The following TTN variants were observed in gnomAD, a reference collection of about 807,000 sequenced individuals.
TTN encodes the protein titin.
In TTN, 1,525 loss-of-function variants were observed where a neutral mutation model predicts 3,223.0. That is an observed-to-expected ratio of 0.47 (90% CI 0.45 to 0.49). The LOEUF is 0.49. TTN is among the 20% of genes least tolerant of loss of function. The pLI, the probability that TTN is intolerant of heterozygous loss-of-function variation, is 0.00. For synonymous variants in TTN, 14,094 were observed against 15,161.0 expected, an observed-to-expected ratio of 0.93 and a Z score of 5.17; for missense variants, 40,786 against 43,424.0, an observed-to-expected ratio of 0.94 and a Z score of 5.40.
rs555785232 is a variant in TTN at position 178,584,680 on chromosome 2, T to C, written c.64961A>G (p.Gln21654Arg). 1.2e-6 allele frequency: 2 copies of C among 1,613,302 alleles called. No homozygotes were observed. Among genetic ancestry groups the C allele is most frequent in the African/African-American group, 1.3e-5 (1 of 74,976 alleles). ...TCACAAAAACATACCAAATGGGAACTGCGCAACCATCTTTGGAGATGTGAG... is the reference window on the plus strand; with the variant it reads ...TCACAAAAACATACCAAATGGGAACCGCGCAACCATCTTTGGAGATGTGAG... ...EPLTSPKMVAQFPFGVPSEPK... is the reference protein window; with the variant it reads ...EPLTSPKMVARFPFGVPSEPK... Residue 21654 changes from glutamine (Q) to arginine (R), a missense_variant, in exon 310 of 363, where the codon CAG (glutamine) becomes CGG (arginine). Transcript: ENST00000589042.
At chr2:178,593,140 C>G (rs756562733) in intron 299 of TTN, 33 bp downstream of exon 299, 96 of 1,610,370 alleles carry the variant, frequency 6.0e-5, no homozygotes, top group Non-Finnish European at 8.1e-5. Flanking sequence ...AGTTAGATAA[C>G]ATGAAAACTG....
Position 178,732,930 on chromosome 2 carries a change from T to C in TTN, c.16246A>G (p.Ile5416Val), listed in dbSNP as rs1283439535. The change falls in exon 55 of 363, where the codon ATC becomes GTC. Residue 5416 changes from isoleucine to valine, a missense_variant. Ile to Val is a conservative substitution (Grantham distance 29, BLOSUM62 3). Transcript: ENST00000589042. ...GCATCATTCATGTCTACTCTGATGA[T>C]CTCCAAAGAGGCTGTGCCTTCCACA... ...AFVEGTASLE[I>V]IRVDMNDAGN... The C allele has an allele frequency of 2.5e-6, 4 of 1,613,550 alleles. No homozygotes were observed. Among genetic ancestry groups the C allele is most frequent in the South Asian group, 2.2e-5 (2 of 91,080 alleles).
chr2:178,613,555 T>G (rs548329965), intron 263 of TTN, among the ~76,000 whole-genome samples, 196 bp downstream of exon 263: 59 of 152,060 alleles, frequency 3.9e-4, no homozygotes, highest in Non-Finnish European at 7.2e-4. Flanking sequence ...GGTTAATATT[T>G]TAGAGTAAAC....
At position 178,731,747 on chromosome 2, in the gene TTN, G is replaced by A. The variant is rs1183941490; in HGVS notation, c.17128C>T (p.Arg5710Trp). ...CTGCTGCCCACCTCATTGGTCACCC[G>A]ACACTGGTATTCGCCAGCATCTGCA... ...VAADAGEYQC[R>W]VTNEVGSSIC... is the part of the protein sequence containing the mutation. The change falls in exon 58 of 363, where the codon CGG becomes TGG. Residue 5710 changes from arginine to tryptophan, a missense_variant. Arg to Trp is a moderately radical substitution (Grantham distance 101, BLOSUM62 -3). Coordinates refer to ENST00000589042, the MANE Select transcript of TTN (RefSeq NM_001267550.2). 14 of 1,613,540 alleles carry A rather than the reference G, an allele frequency of 8.7e-6. No homozygotes were observed. The highest frequency in any genetic ancestry group is 2.2e-5 in the East Asian group (1 of 44,852).
In TTN at chr2:178,586,918, T is replaced by G. The variant is rs1027348310; in HGVS notation, c.64094-111A>C. ...TTTGCTCCAATGTACATAGAACCTG[T>G]AGTTCAGTACATTAAAAGCAAAACA... On this transcript the variant is annotated intron_variant, in intron 307 of 362. Coordinates refer to ENST00000589042, the MANE Select transcript of TTN (RefSeq NM_001267550.2). 3.5e-6 allele frequency: 5 copies of G among 1,433,502 alleles called. No homozygotes were observed. In the Admixed American group the frequency reaches 1.1e-4, roughly 31 times the overall value. The allele number at this position is 1,433,502 out of a possible 1,614,324, so 88.8% of individuals were successfully genotyped here. A position where few individuals can be genotyped will look rare whatever the true frequency, so the allele number is the denominator to read the frequency against.
Position 178,592,526 on chromosome 2 carries a change from C to G in TTN, c.59479G>C (p.Ala19827Pro). ...ACATCAATTCTTGCTTTAGTTGGAG[C>G]ATCTCTGTCTTCTTTTTTCCAAGTT... Reference protein sequence around the residue: ...KVTWKKEDRDAPTKARIDVTP... With the variant: ...KVTWKKEDRDPPTKARIDVTP... Residue 19827 changes from alanine (A) to proline (P), a missense_variant, in exon 301 of 363, where the codon GCT becomes CCT. Coordinates refer to ENST00000589042, the MANE Select transcript of TTN (RefSeq NM_001267550.2). 6.2e-7 allele frequency: 1 copy of G among 1,613,456 alleles called. No homozygotes were observed. Among genetic ancestry groups the G allele is most frequent in the Middle Eastern group, 1.7e-4 (1 of 6,058 alleles).
rs558671515 is a variant in TTN at position 178,617,800 on chromosome 2, C to T, written c.47551G>A (p.Val15851Ile). The stretch of plus-strand genomic sequence containing the variant: ...TTACCAATTGGATCAGCAACTTTGA[C>T]GAAGGGTGTGGCTGCACTTGGTTTT... The part of the protein sequence containing the change: ...VGKPSAATPF[V>I]KVADPIERPS... The change falls in exon 253 of 363, where the codon GTC becomes ATC. Residue 15851 changes from valine (V) to isoleucine (I), a missense_variant. Val to Ile is a conservative substitution (Grantham distance 29). Transcript: ENST00000589042. 45 of 1,612,274 alleles carry T rather than the reference C, an allele frequency of 2.8e-5. No homozygotes were observed. The highest frequency in any genetic ancestry group is 1.1e-4 in the African/African-American group (8 of 74,884).
rs762998858 is a variant in TTN, at chr2:178,681,164, T to C, written c.33255A>G (p.Glu11085=). 6.2e-7 allele frequency: 1 copy of C among 1,601,590 alleles called. No individual in the cohort carries two copies. The highest frequency in any genetic ancestry group is 1.7e-5 in the Admixed American group (1 of 57,164). The part of the protein sequence containing the change: ...KLKPPPPKVP[E]EPKKVFEEKI... ...TTTCCTCAAAAACTTTCTTTGGTTCTTCAGGCACTTTAAAGATATTAATTA... is the reference window on the plus strand; with the variant it reads ...TTTCCTCAAAAACTTTCTTTGGTTCCTCAGGCACTTTAAAGATATTAATTA... The change falls in exon 138 of 363, where the codon GAA becomes GAG. Residue 11085 remains glutamate (E), a synonymous_variant. Coordinates refer to ENST00000589042, the MANE Select transcript of TTN (RefSeq NM_001267550.2).
At position 178,750,802 on chromosome 2, in the gene TTN, C is replaced by T; in HGVS notation, c.11311+2322G>A. 1 of 1,613,044 alleles carries T rather than the reference C, an allele frequency of 6.2e-7. No individual in the cohort carries two copies. Among genetic ancestry groups the T allele is most frequent in the Admixed American group, 1.7e-5 (1 of 59,852 alleles). ...TAGCTTGAGACACATTTTCAGGAGTCTCATATACTTCCTCCTTCTCACATA... is the reference window on the plus strand; with the variant it reads ...TAGCTTGAGACACATTTTCAGGAGTTTCATATACTTCCTCCTTCTCACATA... On this transcript the variant is annotated intron_variant, in intron 47 of 362. Coordinates refer to ENST00000589042, the MANE Select transcript of TTN (RefSeq NM_001267550.2).
Position 178,526,303 on chromosome 2 carries a change from G to A in TTN, c.*709C>T, listed in dbSNP as rs1311653019. 1 of 152,624 alleles carries A rather than the reference G, an allele frequency of 6.6e-6. No individual in the cohort carries two copies. The highest frequency in any genetic ancestry group is 1.5e-5 in the Non-Finnish European group (1 of 68,040). 9.5% of individuals were successfully genotyped at this position (152,624 alleles called of 1,614,324 possible). On this transcript the variant is annotated 3_prime_UTR_variant, in exon 363 of 363. Transcript: ENST00000589042. ...GCTCTGGCATAGGAATACTTGAATA[G>A]CTTGGTTAAATGAAGGGATGGCCAG...
At chr2:178,700,910 C>T (rs910847893) in intron 111 of TTN, among the ~76,000 whole-genome samples, 5 of 151,946 alleles carry the variant, frequency 3.3e-5, no homozygotes, top group African/African-American at 1.2e-4. Context: ...TATTTTAATA[C>T]CAAAATAGTA....
At position 178,538,985 on chromosome 2, in the gene TTN, TG is replaced by T; in HGVS notation, c.98949del (p.Ser32984AlafsTer77). The T allele has an allele frequency of 6.2e-7, 1 of 1,612,514 alleles. No homozygotes were observed. Among genetic ancestry groups the T allele is most frequent in the Non-Finnish European group, 8.5e-7 (1 of 1,178,618 alleles). ...IAQNDVGLSE[T>X]SPASEPVVCK... The stretch of plus-strand genomic sequence containing the variant: ...CAAACAACTGGTTCAGAAGCAGGGC[TG>T]GTCTCACTCAGGCCAACATCATTCT... On this transcript the variant is annotated frameshift_variant, in exon 353 of 363. Transcript: ENST00000589042. LOFTEE classifies it high-confidence loss of function.
At position 178,784,297 on chromosome 2, in the gene TTN, A is replaced by G. The variant is rs1164906656; in HGVS notation, c.2548T>C (p.Ser850Pro). 4 of 1,614,024 alleles carry G rather than the reference A, an allele frequency of 2.5e-6. No individual in the cohort carries two copies. Among genetic ancestry groups the G allele is most frequent in the African/African-American group, 2.7e-5 (2 of 74,926 alleles). ...ATLQKELSATSSAQKITKSVK... is the reference protein window; with the variant it reads ...ATLQKELSATPSAQKITKSVK... The stretch of plus-strand genomic sequence containing the variant: ...GATTTGGTGATCTTCTGAGCAGAAG[A>G]TGTGGCTGACAACTCTTTTTGTAAT... Residue 850 changes from serine to proline, a missense_variant, in exon 16 of 363, where the codon TCT (serine) becomes CCT (proline). Transcript: ENST00000589042.
chr2:178,787,983 T>C lies in TTN; in HGVS notation c.2076+1377A>G, dbSNP rs982094543. ...TTAGGAGACATAAAGAAGAGTATTA[T>C]TTGGTCTGACTTTTCACTACTAGAA... On this transcript the variant is annotated intron_variant, in intron 13 of 362. Coordinates refer to ENST00000589042, the MANE Select transcript of TTN (RefSeq NM_001267550.2). 2.6e-5 allele frequency among the ~76,000 whole-genome samples: 4 copies of C among 152,180 alleles called. No homozygotes were observed. In the South Asian group the frequency reaches 8.3e-4, roughly 32 times the overall value.
At position 178,634,596 on chromosome 2, in the gene TTN, T is replaced by G. The variant is rs1282444173; in HGVS notation, c.42185A>C (p.Asp14062Ala). 6.2e-7 allele frequency: 1 copy of G among 1,613,344 alleles called. No individual in the cohort carries two copies. Among genetic ancestry groups the G allele is most frequent in the East Asian group, 2.2e-5 (1 of 44,816 alleles). Reference protein sequence around the residue: ...IELDFAVPLKDVTVPERRQAR... With the variant: ...IELDFAVPLKAVTVPERRQAR... ...CTGTCGCCTTTCTGGAACAGTGACA[T>G]CCTTCAGGGGCACAGCAAAGTCAAG... The change falls in exon 230 of 363, where the codon GAT (aspartate) becomes GCT (alanine). Residue 14062 changes from aspartate to alanine, a missense_variant. Asp to Ala is a moderately radical substitution (Grantham distance 126). Coordinates refer to ENST00000589042, the MANE Select transcript of TTN (RefSeq NM_001267550.2). The surrounding 1 kb of genome is among the most constrained non-coding windows in gnomAD (Gnocchi z 4.6).
In TTN at chr2:178,704,538, G is replaced by A. The variant is rs754950432; in HGVS notation, c.29934C>T (p.His9978=). The A allele has an allele frequency of 1.9e-6, 3 of 1,612,174 alleles. No individual in the cohort carries two copies. Among genetic ancestry groups the A allele is most frequent in the Non-Finnish European group, 2.5e-6 (3 of 1,178,852 alleles). Residue 9978 remains histidine, a synonymous_variant, in exon 105 of 363, where the codon CAC becomes CAT. Coordinates refer to ENST00000589042, the MANE Select transcript of TTN (RefSeq NM_001267550.2). ...TTACAGTTAGTTTAGCGCTAGCGAT[G>A]TGTGGACCACAAACCAATCGATAAT... ...QGNYRLVCGP[H]IASAKLTVIE...
chr2:178,686,306 G>A (rs1329134867), intron 127 of TTN, among the ~76,000 whole-genome samples: 1 of 150,136 alleles, frequency 6.7e-6, no homozygotes, highest in Non-Finnish European at 1.5e-5. Context: ...ATTTTTAGTA[G>A]AGACGGGGTT....
intron 93 of TTN, 28 bp from the exon 94 acceptor site, chr2:178,713,003 G>A (rs1416091567): frequency 7.5e-6 from 12 of 1,606,346 alleles, no homozygotes; most frequent in East Asian, 2.2e-5. Context: ...TATCAGAAAA[G>A]GTTTAGTATT....
intron 46 of TTN, chr2:178,753,441 T>G (rs2086126671): frequency 2.9e-6 from 1 of 347,426 alleles, no homozygotes; most frequent in Admixed American, 4.5e-5. Flanking sequence ...CCCATGCCTT[T>G]ACATGCATGC....
Sources: allele counts gnomAD v4.1 joint callset (sites outside exome capture counted in the v4.1 genomes callset), GRCh38; gene constraint gnomAD v4.1.1; non-coding constraint Gnocchi (gnomAD v3.1); transcripts MANE v1.5; gene names NCBI Gene and HGNC (gene_info 2026-07-23, HGNC 2026-07-21).